The following ZNF672 variants were observed in gnomAD, a reference collection of about 807,000 sequenced individuals.
The protein encoded by ZNF672 is zinc finger protein 672.
For synonymous variants in ZNF672, 358 were observed against 305.6 expected, an observed-to-expected ratio of 1.17 and a Z score of -1.79; for missense variants, 733 against 701.1, an observed-to-expected ratio of 1.05 and a Z score of -0.51.
intron 3 of ZNF672, among the ~76,000 whole-genome samples, chr1:248,846,526 C>T (rs1412773131): frequency 6.6e-6 from 1 of 152,188 alleles, no homozygotes; most frequent in African/African-American, 2.4e-5. Context: ...AGGGTCTGAG[C>T]CCTTTGCCTA....
intron 1 of ZNF672, 42 bp downstream of exon 1, chr1:248,838,593 G>A (rs758526195): frequency 6.6e-6 from 1 of 152,532 alleles, no homozygotes; most frequent in Non-Finnish European, 1.5e-5. Flanking sequence ...GGTGGCTCGG[G>A]GCAGCAGTCC....
At position 248,848,507 on chromosome 1, in the gene ZNF672, A is replaced by C. The variant is rs1659255267; in HGVS notation, c.1233A>C (p.Ser411=). 1 of 1,603,380 alleles carries C rather than the reference A, an allele frequency of 6.2e-7. No individual in the cohort carries two copies. Among genetic ancestry groups the C allele is most frequent in the African/African-American group, 1.3e-5 (1 of 74,592 alleles). Reference sequence around the variant, plus strand: ...GCTTCAGCCACAGCCGCTCGCTGTCACAGCATCAGCGGGCCCACACGCGCG... The same window carrying C: ...GCTTCAGCCACAGCCGCTCGCTGTCCCAGCATCAGCGGGCCCACACGCGCG... ...GKCFSHSRSL[S]QHQRAHTRAR... is the part of the protein sequence containing the mutation. Residue 411 remains serine (S), a synonymous_variant, in exon 4 of 4, where the codon TCA becomes TCC. Transcript: ENST00000306562.
chr1:248,845,325 A>G (rs1664739926), intron 2 of ZNF672, among the ~76,000 whole-genome samples: 2 of 152,158 alleles, frequency 1.3e-5, no homozygotes, highest in African/African-American at 4.8e-5. Context: ...TACTCTTTGT[A>G]TAAGATGTCT....
chr1:248,848,354 C>T lies in ZNF672; in HGVS notation c.1080C>T (p.Asn360=). 6.2e-7 allele frequency: 1 copy of T among 1,601,448 alleles called. No individual in the cohort carries two copies. The highest frequency in any genetic ancestry group is 8.5e-7 in the Non-Finnish European group (1 of 1,179,750). Residue 360 remains asparagine, a synonymous_variant, in exon 4 of 4, where the codon AAC becomes AAT. Transcript: ENST00000306562. ...CCAATCTCAACGTGCATCGGCGCAA[C>T]CATGCCGGCCACAAGCCACACAAAT... The part of the protein sequence containing the change: ...CVSNLNVHRR[N]HAGHKPHKCP...
intron 1 of ZNF672, among the ~76,000 whole-genome samples, chr1:248,841,912 G>C (rs1664684913): frequency 6.6e-6 from 1 of 152,174 alleles, no homozygotes; most frequent in African/African-American, 2.4e-5. Flanking sequence ...CTGGGAGACA[G>C]AGTGAGACTC....
chr1:248,847,835 C>G lies in ZNF672; in HGVS notation c.561C>G (p.Ser187=), dbSNP rs1316950826. Residue 187 remains serine (S), a synonymous_variant, in exon 4 of 4, where the codon TCC becomes TCG. Coordinates refer to ENST00000306562, the MANE Select transcript of ZNF672 (RefSeq NM_024836.3). ...GLRSHARIHV[S]RSPTRPRVSD... is the part of the protein sequence containing the mutation. ...GGAGTCACGCGCGCATCCACGTGTC[C>G]CGGAGCCCCACGCGACCCCGTGTCT... 1.9e-6 allele frequency: 3 copies of G among 1,570,478 alleles called. No homozygotes were observed. The African/African-American group carries it at 4.1e-5, about 21-fold the overall frequency.
chr1:248,847,094 C>A lies in ZNF672; in HGVS notation c.-181C>A. 1.3e-6 allele frequency: 1 copy of A among 796,578 alleles called. No individual in the cohort carries two copies. Among genetic ancestry groups the A allele is most frequent in the Non-Finnish European group, 1.9e-6 (1 of 517,130 alleles). 49.3% of individuals were successfully genotyped at this position (796,578 alleles called of 1,614,324 possible). ...AACCTGGCCACAGCTCACCCTGGAA[C>A]AGCCACAATGTCTGCCCCTTAGAGA... is the stretch of plus-strand genomic sequence containing the variant. On this transcript the variant is annotated 5_prime_UTR_variant, in exon 4 of 4. Coordinates refer to ENST00000306562, the MANE Select transcript of ZNF672 (RefSeq NM_024836.3).
chr1:248,847,342 TCTG>T lies in ZNF672; in HGVS notation c.71_73del (p.Cys24del). 3 of 1,612,748 alleles carry T rather than the reference TCTG, an allele frequency of 1.9e-6. No homozygotes were observed. The highest frequency in any genetic ancestry group is 2.5e-6 in the Non-Finnish European group (3 of 1,178,992). Reference sequence around the variant, plus strand: ...TCGTGCAGCGAATGTGGCAAGAGCTTCTGCTACAGCTCAGTGCTGCTGCGACAT... The same window carrying T: ...TCGTGCAGCGAATGTGGCAAGAGCTTCTACAGCTCAGTGCTGCTGCGACAT... On this transcript the variant is annotated inframe_deletion, in exon 4 of 4. Coordinates refer to ENST00000306562, the MANE Select transcript of ZNF672 (RefSeq NM_024836.3).
Position 248,847,485 on chromosome 1 carries a change from A to G in ZNF672, c.211A>G (p.Ile71Val), listed in dbSNP as rs1349478998. ...CACGCATGCTGGCCAGACCCTCTAC[A>G]TCTGCAGTGAGTGCGGACAAAGCTT... is the stretch of plus-strand genomic sequence containing the variant. Reference protein sequence around the residue: ...RRTHAGQTLYICSECGQSFRH... With the variant: ...RRTHAGQTLYVCSECGQSFRH... Residue 71 changes from isoleucine to valine, a missense_variant, in exon 4 of 4, where the codon ATC (isoleucine) becomes GTC (valine). Coordinates refer to ENST00000306562, the MANE Select transcript of ZNF672 (RefSeq NM_024836.3). The G allele has an allele frequency of 6.3e-7, 1 of 1,596,792 alleles. No homozygotes were observed.
chr1:248,848,261 C>T lies in ZNF672; in HGVS notation c.987C>T (p.His329=), dbSNP rs762044433. Residue 329 remains histidine (H), a synonymous_variant, in exon 4 of 4, where the codon CAC becomes CAT. Coordinates refer to ENST00000306562, the MANE Select transcript of ZNF672 (RefSeq NM_024836.3). The part of the protein sequence containing the change: ...RFSDRSDLTK[H]RRTHTGEKPY... Reference sequence around the variant, plus strand: ...GCGACCGCTCGGACCTCACCAAGCACCGGCGCACGCACACGGGCGAGAAGC... The same window carrying T: ...GCGACCGCTCGGACCTCACCAAGCATCGGCGCACGCACACGGGCGAGAAGC... 34 of 1,602,906 alleles carry T rather than the reference C, an allele frequency of 2.1e-5. No individual in the cohort carries two copies. The South Asian group carries it at 2.4e-4, about 11-fold the overall frequency.
In ZNF672 at chr1:248,847,369, A is replaced by C. The variant is rs1172697849; in HGVS notation, c.95A>C (p.His32Pro). The change falls in exon 4 of 4, where the codon CAT becomes CCT. Residue 32 changes from histidine (H) to proline (P), a missense_variant. Coordinates refer to ENST00000306562, the MANE Select transcript of ZNF672 (RefSeq NM_024836.3). ...SFCYSSVLLR[H>P]ERAHGGDGRF... ...TGCTACAGCTCAGTGCTGCTGCGAC[A>C]TGAACGAGCTCACGGCGGTGACGGC... The C allele has an allele frequency of 1.9e-6, 3 of 1,611,590 alleles. No homozygotes were observed. Among genetic ancestry groups the C allele is most frequent in the African/African-American group, 1.3e-5 (1 of 74,908 alleles).
rs771433966 is a variant in ZNF672 at position 248,847,540 on chromosome 1, T to C, written c.266T>C (p.Leu89Ser). The part of the protein sequence containing the change: ...FRHSGRLDLH[L>S]GAHRQRCRTC... ...CACAGCGGCCGTCTTGACCTACACT[T>C]GGGCGCACACCGGCAGCGATGCCGC... The change falls in exon 4 of 4, where the codon TTG (leucine) becomes TCG (serine). Residue 89 changes from leucine to serine, a missense_variant. Transcript: ENST00000306562. The C allele has an allele frequency of 1.3e-6, 2 of 1,593,256 alleles. No individual in the cohort carries two copies. The highest frequency in any genetic ancestry group is 1.7e-5 in the Admixed American group (1 of 58,174).
chr1:248,847,630 G>T lies in ZNF672; in HGVS notation c.356G>T (p.Arg119Leu), dbSNP rs891665462. 25 of 1,519,308 alleles carry T rather than the reference G, an allele frequency of 1.6e-5. No individual in the cohort carries two copies. The highest frequency in any genetic ancestry group is 2.0e-5 in the Admixed American group (1 of 49,998). The allele number at this position is 1,519,308 out of a possible 1,614,324, so 94.1% of individuals were successfully genotyped here. Residue 119 changes from arginine to leucine, a missense_variant, in exon 4 of 4, where the codon CGC becomes CTC. By Grantham distance (102) the Arg-to-Leu change is moderately radical (BLOSUM62 -2). Coordinates refer to ENST00000306562, the MANE Select transcript of ZNF672 (RefSeq NM_024836.3). ...PHLPALLLHR[R>L]RQHLPERPRR... ...CTCCCGGCGCTGCTGCTACACCGGC[G>T]CCGCCAGCATCTGCCAGAGCGGCCC...
chr1:248,844,170 G>T (rs978237103), intron 1 of ZNF672, among the ~76,000 whole-genome samples: 2 of 152,108 alleles, frequency 1.3e-5, no homozygotes, highest in Admixed American at 6.5e-5. Context: ...CCCTATTATA[G>T]ATATTGGTTT....
At position 248,848,738 on chromosome 1, in the gene ZNF672, C is replaced by T. The variant is rs368225676; in HGVS notation, c.*105C>T. 1.1e-4 allele frequency: 151 copies of T among 1,428,298 alleles called. No individual in the cohort carries two copies. The African/African-American group carries it at 1.3e-3, about 12-fold the overall frequency. 88.5% of individuals were successfully genotyped at this position (1,428,298 alleles called of 1,614,324 possible). ...TCGTAGATGGAGATTTGGGAAAAGA[C>T]GATGTGGCCTCCTACCTTTCCAGTT... On this transcript the variant is annotated 3_prime_UTR_variant, in exon 4 of 4. Coordinates refer to ENST00000306562, the MANE Select transcript of ZNF672 (RefSeq NM_024836.3).
Position 248,848,815 on chromosome 1 carries a change from C to G in ZNF672, c.*182C>G. 1.1e-6 allele frequency: 1 copy of G among 901,768 alleles called. No individual in the cohort carries two copies. Among genetic ancestry groups the G allele is most frequent in the Middle Eastern group, 2.2e-4 (1 of 4,624 alleles). The allele number at this position is 901,768 out of a possible 1,614,324, so 55.9% of individuals were successfully genotyped here. A position where few individuals can be genotyped will look rare whatever the true frequency, so the allele number is the denominator to read the frequency against. On this transcript the variant is annotated 3_prime_UTR_variant, in exon 4 of 4. Coordinates refer to ENST00000306562, the MANE Select transcript of ZNF672 (RefSeq NM_024836.3). ...CCTGCCTCGCCTCTACACCTACTAC[C>G]CTGTCGGCCCTTTTGCCATGCTGTC...
intron 1 of ZNF672, among the ~76,000 whole-genome samples, chr1:248,841,028 CAG>C (rs1290052432): frequency 1.3e-5 from 2 of 150,936 alleles, no homozygotes; most frequent in Non-Finnish European, 2.9e-5. Context: ...TGACTGTAGT[CAG>C]AGTATTTGTA....
chr1:248,847,695 G>A lies in ZNF672; in HGVS notation c.421G>A (p.Ala141Thr), dbSNP rs1659198886. The A allele has an allele frequency of 2.7e-6, 4 of 1,465,354 alleles. No homozygotes were observed. In the South Asian group the frequency reaches 5.4e-5, roughly 20 times the overall value. 90.8% of individuals were successfully genotyped at this position (1,465,354 alleles called of 1,614,324 possible). Residue 141 changes from alanine (A) to threonine (T), a missense_variant, in exon 4 of 4, where the codon GCG becomes ACG. Physicochemically the swap from Ala to Thr is moderately conservative, Grantham distance 58 (BLOSUM62 0). Transcript: ENST00000306562. Reference sequence around the variant, plus strand: ...GTGCGCCCGCACCTTCCGGCAGAGCGCGCTGCTCTTCCACCAGGCGCGGGC... The same window carrying A: ...GTGCGCCCGCACCTTCCGGCAGAGCACGCTGCTCTTCCACCAGGCGCGGGC... ...PLCARTFRQS[A>T]LLFHQARAHP...
chr1:248,846,171 AATATGTTTTTCTTGATCAGATTCATC>A (rs1664758214), intron 3 of ZNF672, among the ~76,000 whole-genome samples: 1 of 152,228 alleles, frequency 6.6e-6, no homozygotes, highest in Non-Finnish European at 1.5e-5. Flanking sequence ...GTTCATAAAC[AATATGTTTTTCTTGATCAGATTCATC>A]ATATTCAAAC....
Sources: allele counts gnomAD v4.1 joint callset (sites outside exome capture counted in the v4.1 genomes callset), GRCh38; gene constraint gnomAD v4.1.1; transcripts MANE v1.5; gene names NCBI Gene and HGNC (gene_info 2026-07-23, HGNC 2026-07-21).